Variants in UNC80 observed in about 807,000 individuals in gnomAD.
UNC80 encodes protein unc-80 homolog.
UNC80 carries 164 observed loss-of-function variants against 384.6 expected under a neutral mutation model. That is an observed-to-expected ratio of 0.43 (90% confidence interval 0.38 to 0.49). The LOEUF is 0.49. UNC80 is among the 20% of genes least tolerant of loss of function. The pLI is 0.00. For missense variants in UNC80, 3,330 were observed against 4,143.0 expected (o/e 0.80, Z 5.39); for synonymous variants, 1,486 against 1,527.8 (o/e 0.97, Z 0.64).
chr2:209,783,715 TC>T (rs1000161514), intron 4 of UNC80, among the ~76,000 whole-genome samples: 1 of 152,132 alleles, frequency 6.6e-6, no homozygotes, highest in African/African-American at 2.4e-5. Flanking sequence ...TGCTGCAGTT[TC>T]CACAGGAGTT....
chr2:209,920,335 A>G, intron 33 of UNC80, among the ~76,000 whole-genome samples: 1 of 152,216 alleles, frequency 6.6e-6, no homozygotes. Context: ...CTATAAGCCA[A>G]CAAAGAGTTC....
chr2:209,845,412 A>G (rs1381538182), intron 21 of UNC80, among the ~76,000 whole-genome samples: 1 of 152,150 alleles, frequency 6.6e-6, no homozygotes, highest in Admixed American at 6.5e-5. Flanking sequence ...CTTCTTATTC[A>G]TGTTCCAAAC....
chr2:209,850,901 G>A (rs1351082988), intron 22 of UNC80, among the ~76,000 whole-genome samples: 1 of 152,090 alleles, frequency 6.6e-6, no homozygotes, highest in Non-Finnish European at 1.5e-5. Flanking sequence ...TTCTAGGTGG[G>A]ATAGTGGAAA....
intron 6 of UNC80, among the ~76,000 whole-genome samples, chr2:209,792,208 T>C (rs1367074943): frequency 6.6e-6 from 1 of 152,054 alleles, no homozygotes; most frequent in Non-Finnish European, 1.5e-5. Flanking sequence ...GGAGGCTAAG[T>C]GGAGAGGATC....
rs1214288179 is a variant in UNC80, at chr2:209,912,612, A to T, written c.4835A>T (p.Asp1612Val). 2.6e-6 allele frequency: 4 copies of T among 1,551,630 alleles called. No homozygotes were observed. Among genetic ancestry groups the T allele is most frequent in the Non-Finnish European group, 3.5e-6 (4 of 1,146,906 alleles). The change falls in exon 30 of 65, where the codon GAT becomes GTT. Residue 1612 changes from aspartate (D) to valine (V), a missense_variant. Transcript: ENST00000673920. Reference sequence around the variant, plus strand: ...CCTTCTCTAAAGAAGAGAGTTTCAGATGCCAATCTGGAAGGAAAAAAAGAT... The same window carrying T: ...CCTTCTCTAAAGAAGAGAGTTTCAGTTGCCAATCTGGAAGGAAAAAAAGAT... Reference protein sequence around the residue: ...RTPSLKKRVSDANLEGKKDSG... With the variant: ...RTPSLKKRVSVANLEGKKDSG...
intron 36 of UNC80, among the ~76,000 whole-genome samples, chr2:209,929,399 A>G (rs992388042): frequency 6.6e-6 from 1 of 152,210 alleles, no homozygotes; most frequent in Non-Finnish European, 1.5e-5. Context: ...CAACTACTTT[A>G]TCTTGCTGAA....
intron 36 of UNC80, among the ~76,000 whole-genome samples, chr2:209,928,390 A>G (rs922222813): frequency 6.6e-6 from 1 of 152,142 alleles, no homozygotes; most frequent in Non-Finnish European, 1.5e-5. Flanking sequence ...ATGTATGTGA[A>G]ATGACATACT....
chr2:209,840,779 T>C, intron 20 of UNC80, 131 bp downstream of exon 20: 1 of 707,408 alleles, frequency 1.4e-6, no homozygotes, highest in Non-Finnish European at 2.3e-6. Flanking sequence ...TGAGCTAACT[T>C]TGGAAACTTA....
intron 9 of UNC80, 100 bp downstream of exon 9, chr2:209,815,491 G>A (rs1482350633): frequency 3.5e-5 from 47 of 1,329,298 alleles, no homozygotes; most frequent in Non-Finnish European, 4.7e-5. Flanking sequence ...GGTGAGGTGG[G>A]AAAGGGAACT....
chr2:209,840,203 C>A lies in UNC80; in HGVS notation c.3251-339C>A, dbSNP rs993227199. 3.9e-5 allele frequency among the ~76,000 whole-genome samples: 6 copies of A among 152,258 alleles called. No individual in the cohort carries two copies. The South Asian group carries it at 8.3e-4, about 21-fold the overall frequency. ...TAGGTGAGGTATAAGTAAATGGAAG[C>A]TTGGACTGGGTGGTGGCCATGTAGG... On this transcript the variant is annotated intron_variant, in intron 19 of 64. Transcript: ENST00000673920.
chr2:209,957,569 C>G, intron 48 of UNC80, 75 bp from the exon 49 acceptor site: 5 of 1,304,656 alleles, frequency 3.8e-6, no homozygotes, highest in Non-Finnish European at 5.4e-6. Context: ...GCTTCAGTAA[C>G]TTGAGGATTT....
At chr2:209,895,178 C>G (rs566517250) in intron 27 of UNC80, among the ~76,000 whole-genome samples, 5 of 152,068 alleles carry the variant, frequency 3.3e-5, no homozygotes, top group Non-Finnish European at 7.3e-5. Flanking sequence ...AATAGACAAG[C>G]AAAAGATTAA....
At chr2:209,948,876 C>A (rs1183254097) in intron 47 of UNC80, among the ~76,000 whole-genome samples, 1 of 152,072 alleles carries the variant, frequency 6.6e-6, no homozygotes. Context: ...AGTCTGCCTT[C>A]TATTCTTAGT....
At chr2:209,972,708 A>G (rs912089886) in intron 55 of UNC80, among the ~76,000 whole-genome samples, 2 of 152,222 alleles carry the variant, frequency 1.3e-5, no homozygotes, top group African/African-American at 4.8e-5. Flanking sequence ...ATTAAATTCC[A>G]ATGTATTTTC....
chr2:209,905,940 G>A (rs1254996858), intron 29 of UNC80, among the ~76,000 whole-genome samples: 1 of 152,198 alleles, frequency 6.6e-6, no homozygotes, highest in African/African-American at 2.4e-5. Context: ...CTGACTGAAT[G>A]TTGTGGCTGC....
intron 13 of UNC80, among the ~76,000 whole-genome samples, chr2:209,825,227 CT>C (rs2080427550): frequency 6.6e-6 from 1 of 152,044 alleles, no homozygotes; most frequent in South Asian, 2.1e-4. Flanking sequence ...AAGGAAGTTC[CT>C]TTTTTGGAAG....
chr2:209,935,147 G>A (rs573701501), intron 39 of UNC80, among the ~76,000 whole-genome samples: 1 of 152,142 alleles, frequency 6.6e-6, no homozygotes, highest in East Asian at 1.9e-4. Flanking sequence ...TAGAAAACAG[G>A]GATGTACTAC....
intron 7 of UNC80, among the ~76,000 whole-genome samples, chr2:209,810,130 A>G (rs541571566): frequency 1.3e-5 from 2 of 152,148 alleles, no homozygotes; most frequent in East Asian, 3.9e-4. Context: ...CTGAGCAGCT[A>G]TTTCAGCTTC....
Position 209,872,880 on chromosome 2 carries a change from A to G in UNC80, c.3750A>G (p.Gly1250=). ...KGHHVNITKK[G]LSRGRSPIVG... is the part of the protein sequence containing the mutation. ...ACCACGTGAACATCACCAAGAAAGGACTTTCCCGGGGACGCTCTCCCATTG... is the reference window on the plus strand; with the variant it reads ...ACCACGTGAACATCACCAAGAAAGGGCTTTCCCGGGGACGCTCTCCCATTG... The change falls in exon 23 of 65, where the codon GGA becomes GGG. Residue 1250 remains glycine (G), a synonymous_variant. Coordinates refer to ENST00000673920, the MANE Select transcript of UNC80 (RefSeq NM_001371986.1). This position sits in a 1 kb window ranked among gnomAD's most constrained non-coding sequence, Gnocchi z 4.1. The G allele has an allele frequency of 6.4e-7, 1 of 1,551,416 alleles. No homozygotes were observed. The highest frequency in any genetic ancestry group is 8.7e-7 in the Non-Finnish European group (1 of 1,146,850).
Sources: allele counts gnomAD v4.1 joint callset (sites outside exome capture counted in the v4.1 genomes callset), GRCh38; gene constraint gnomAD v4.1.1; non-coding constraint Gnocchi (gnomAD v3.1); transcripts MANE v1.5; gene names NCBI Gene and HGNC (gene_info 2026-07-23, HGNC 2026-07-21).